The following CTNNA2 variants were observed in gnomAD, a reference collection of about 807,000 sequenced individuals.
CTNNA2 encodes the protein catenin alpha 2.
A neutral mutation model predicts 101.0 loss-of-function variants in CTNNA2; 42 were observed. That is an observed-to-expected ratio of 0.42 (90% CI 0.32 to 0.54). CTNNA2 has a LOEUF of 0.54. Among genes scored for constraint, CTNNA2 ranks in the 20% least tolerant of loss-of-function variants. The probability of loss-of-function intolerance (pLI) is 0.14; values close to 1 mark genes in which losing one functional copy is unlikely to be tolerated. For missense variants in CTNNA2, 871 were observed against 1,223.1 expected (o/e 0.71, Z 4.29); for synonymous variants, 450 against 456.4 (o/e 0.99, Z 0.18).
intron 2 of CTNNA2, among the ~76,000 whole-genome samples, chr2:79,710,650 A>G (rs1299620735): frequency 6.6e-6 from 1 of 152,148 alleles, no homozygotes; most frequent in Non-Finnish European, 1.5e-5. Flanking sequence ...GGGCCTGTAA[A>G]TTAGTTTTGG....
chr2:79,288,119 G>A (rs543708444), intron 2 of CTNNA2, among the ~76,000 whole-genome samples: 17 of 152,282 alleles, frequency 1.1e-4, no homozygotes, highest in South Asian at 8.3e-4. Context: ...CGCATGGTGC[G>A]CGCACCCACT....
intron 4 of CTNNA2, among the ~76,000 whole-genome samples, chr2:79,397,097 T>C (rs1678241292): frequency 6.6e-6 from 1 of 152,170 alleles, no homozygotes; most frequent in Non-Finnish European, 1.5e-5. Flanking sequence ...TTTATTGATA[T>C]ACTAGAGTTG....
At chr2:80,199,702 G>A (rs959897213) in intron 7 of CTNNA2, among the ~76,000 whole-genome samples, 1 of 152,232 alleles carries the variant, frequency 6.6e-6, no homozygotes, top group African/African-American at 2.4e-5. Flanking sequence ...CTCTGTGGAA[G>A]CACAAGGTGG....
chr2:80,418,927 C>G (rs998682386), intron 8 of CTNNA2, among the ~76,000 whole-genome samples: 2 of 152,100 alleles, frequency 1.3e-5, no homozygotes, highest in African/African-American at 4.8e-5. Context: ...ATCATAGCAC[C>G]TGGGCACAAA....
At chr2:79,769,983 T>C (rs549024473) in intron 3 of CTNNA2, among the ~76,000 whole-genome samples, 2 of 152,344 alleles carry the variant, frequency 1.3e-5, no homozygotes, top group East Asian at 3.9e-4. Context: ...AAAATTCATT[T>C]AATTTTACTT....
intron 2 of CTNNA2, among the ~76,000 whole-genome samples, chr2:79,734,288 G>C (rs536448153): frequency 6.6e-6 from 1 of 152,190 alleles, no homozygotes; most frequent in East Asian, 1.9e-4. Flanking sequence ...GACATTGAAA[G>C]TTGTATAGAT....
chr2:79,531,162 A>G (rs1212015618), intron 1 of CTNNA2, among the ~76,000 whole-genome samples: 2 of 143,188 alleles, frequency 1.4e-5, no homozygotes, highest in Non-Finnish European at 3.0e-5. Context: ...AAATGCCACC[A>G]CTAGTTTTTA....
intron 1 of CTNNA2, among the ~76,000 whole-genome samples, chr2:79,189,805 G>A (rs1395316572): frequency 2.6e-5 from 4 of 152,158 alleles, no homozygotes; most frequent in Non-Finnish European, 4.4e-5. Flanking sequence ...AGTACTTGAG[G>A]AAGGGTCCTG....
At position 80,517,361 on chromosome 2, in the gene CTNNA2, G is replaced by A. The variant is rs1012059483; in HGVS notation, c.1291-27621G>A. On this transcript the variant is annotated intron_variant, in intron 9 of 18. Coordinates refer to ENST00000402739, the MANE Select transcript of CTNNA2 (RefSeq NM_001282597.3). Reference sequence around the variant, plus strand: ...GGGACCACGGATGGATTTGCTCAGGGGCACTGCAAAGGGTGCCTTGCTTTC... The same window carrying A: ...GGGACCACGGATGGATTTGCTCAGGAGCACTGCAAAGGGTGCCTTGCTTTC... Among the ~76,000 whole-genome samples the A allele has an allele frequency of 1.1e-4, 17 of 152,144 alleles. 1 individual carries two copies. Among genetic ancestry groups the A allele is most frequent in the Non-Finnish European group, 2.5e-4 (17 of 68,032 alleles).
chr2:80,530,713 G>A (rs7559453), intron 9 of CTNNA2, among the ~76,000 whole-genome samples: 64,086 of 151,958 alleles, frequency 0.42, 13,888 homozygotes, highest in African/African-American at 0.48. Context: ...GGATGGTTTC[G>A]ATAGCACTGT....
At chr2:79,668,753 A>G (rs1464677435) in intron 2 of CTNNA2, among the ~76,000 whole-genome samples, 1 of 152,264 alleles carries the variant, frequency 6.6e-6, no homozygotes, top group Admixed American at 6.5e-5. Flanking sequence ...TTCAGAATGC[A>G]GATGCAGCCA....
chr2:79,744,327 A>G, intron 2 of CTNNA2, 60 bp from the exon 3 acceptor site: 1 of 1,468,280 alleles, frequency 6.8e-7, no homozygotes, highest in Non-Finnish European at 9.2e-7. Context: ...ATTATGAGAT[A>G]ACATGACATT....
At chr2:80,537,844 C>G (rs1054945936) in intron 9 of CTNNA2, among the ~76,000 whole-genome samples, 2 of 152,138 alleles carry the variant, frequency 1.3e-5, no homozygotes, top group African/African-American at 4.8e-5. Flanking sequence ...CCACTCAACT[C>G]GGCCTCCCAA....
At chr2:80,386,289 A>G (rs1283491614) in intron 7 of CTNNA2, among the ~76,000 whole-genome samples, 2 of 152,160 alleles carry the variant, frequency 1.3e-5, no homozygotes, top group South Asian at 2.1e-4. Flanking sequence ...TGTTGATTAT[A>G]GATTTGCTTT....
chr2:80,559,000 G>A (rs1408650190), intron 12 of CTNNA2, among the ~76,000 whole-genome samples: 1 of 152,142 alleles, frequency 6.6e-6, no homozygotes, highest in East Asian at 1.9e-4. Context: ...GGGATGCTTA[G>A]AAGCATCCCT....
At chr2:80,225,598 A>G (rs898103815) in intron 7 of CTNNA2, among the ~76,000 whole-genome samples, 2 of 152,228 alleles carry the variant, frequency 1.3e-5, no homozygotes, top group African/African-American at 4.8e-5. Flanking sequence ...TTGCCATAGT[A>G]GGAAAACATC....
At chr2:79,574,803 A>C (rs1675685857) in intron 1 of CTNNA2, among the ~76,000 whole-genome samples, 1 of 152,214 alleles carries the variant, frequency 6.6e-6, no homozygotes, top group African/African-American at 2.4e-5. Flanking sequence ...ACTGCTTTCC[A>C]AAATGGCTAA....
At chr2:79,832,345 T>C (rs1678992023) in intron 3 of CTNNA2, among the ~76,000 whole-genome samples, 1 of 152,230 alleles carries the variant, frequency 6.6e-6, no homozygotes, top group African/African-American at 2.4e-5. Flanking sequence ...ATAAAGCATT[T>C]ACTAATCCTG....
At chr2:79,598,637 C>T (rs1417570986) in intron 1 of CTNNA2, among the ~76,000 whole-genome samples, 1 of 152,046 alleles carries the variant, frequency 6.6e-6, no homozygotes, top group African/African-American at 2.4e-5. Flanking sequence ...AGGTCTTTGG[C>T]CAATTTTTAA....
Sources: allele counts gnomAD v4.1 joint callset (sites outside exome capture counted in the v4.1 genomes callset), GRCh38; gene constraint gnomAD v4.1.1; transcripts MANE v1.5; gene names NCBI Gene and HGNC (gene_info 2026-07-23, HGNC 2026-07-21).